The following ZNF568 variants were observed in gnomAD, a reference collection of about 807,000 sequenced individuals.
ZNF568 encodes zinc finger protein 568.
ZNF568 carries 11 observed loss-of-function variants against 18.1 expected under a neutral mutation model. That is an observed-to-expected ratio of 0.61 (90% CI 0.38 to 1.00). ZNF568 has a LOEUF of 1.00. Among genes scored for constraint, ZNF568 ranks in the 50% least tolerant of loss-of-function variants. The pLI, the probability that ZNF568 is intolerant of heterozygous loss-of-function variation, is 0.01. For synonymous variants in ZNF568, 213 were observed against 246.6 expected, an observed-to-expected ratio of 0.86 and a Z score of 1.28; for missense variants, 639 against 768.2, an observed-to-expected ratio of 0.83 and a Z score of 1.99.
At chr19:36,997,868 T>G (rs2074493607), downstream of ZNF568, 4 of 390,598 alleles carry the variant, frequency 1.0e-5, no homozygotes, top group East Asian at 1.9e-4. Flanking sequence ...TTACACATCA[T>G]GATACAACTG....
At chr19:36,927,880 A>AT (rs1555730338) in intron 4 of ZNF568, among the ~76,000 whole-genome samples, 33 of 54,830 alleles carry the variant, frequency 6.0e-4, no homozygotes, top group South Asian at 4.1e-3. Flanking sequence ...ATATATATAT[A>AT]TATATATTAT....
chr19:36,947,509 A>G (rs1038010066), intron 6 of ZNF568, among the ~76,000 whole-genome samples: 6 of 152,182 alleles, frequency 3.9e-5, no homozygotes, highest in Admixed American at 3.3e-4. Flanking sequence ...TGTCTAGGAA[A>G]TGTAGTTTTA....
chr19:36,949,655 A>G lies in ZNF568; in HGVS notation c.502A>G (p.Ile168Val), dbSNP rs372410978. The G allele has an allele frequency of 8.2e-5, 132 of 1,613,756 alleles. No individual in the cohort carries two copies. In the Admixed American group the frequency reaches 2.2e-3, roughly 26 times the overall value. Residue 168 changes from isoleucine to valine, a missense_variant, in exon 7 of 7, where the codon ATT (isoleucine) becomes GTT (valine). Ile to Val is a conservative substitution (Grantham distance 29). Transcript: ENST00000333987. ...VAKIFPLSSD[I>V]VTSRQSFYDC... ...GAAAATATTTCCTCTGAGTTCAGAC[A>G]TTGTTACTTCAAGACAAAGCTTCTA...
intron 2 of ZNF568, among the ~76,000 whole-genome samples, chr19:36,919,289 G>T (rs2073409615): frequency 1.3e-5 from 2 of 152,004 alleles, no homozygotes; most frequent in South Asian, 4.1e-4. Flanking sequence ...TGTTGAGGGG[G>T]GTGGGTGGAC....
At chr19:36,922,929 C>T in intron 3 of ZNF568, 83 bp downstream of exon 3, 3 of 1,206,182 alleles carry the variant, frequency 2.5e-6, no homozygotes, top group South Asian at 1.3e-5. Context: ...ATTACTCCTA[C>T]TGAGAAAGGT....
chr19:36,984,918 TTTTA>T (rs2074363323), intron 2 of ZNF568, among the ~76,000 whole-genome samples: 2 of 151,578 alleles, frequency 1.3e-5, no homozygotes, highest in African/African-American at 4.9e-5. Context: ...ATGGATTTAT[TTTTA>T]TTTATTCTGT....
intron 6 of ZNF568, among the ~76,000 whole-genome samples, chr19:36,963,245 AT>A (rs36114070): frequency 0.56 from 85,596 of 152,004 alleles, 24,970 homozygotes; most frequent in African/African-American, 0.69. Context: ...TAGGTAGTAT[AT>A]GGAGATACGA....
chr19:36,963,909 G>T (rs2074173580), intron 6 of ZNF568, among the ~76,000 whole-genome samples: 1 of 148,956 alleles, frequency 6.7e-6, no homozygotes, highest in Admixed American at 6.9e-5. Flanking sequence ...GGAGGTTGCA[G>T]TGAGCCGAGA....
At chr19:36,964,220 GTTACA>G (rs1174849188) in intron 6 of ZNF568, among the ~76,000 whole-genome samples, 1 of 151,840 alleles carries the variant, frequency 6.6e-6, no homozygotes, top group Non-Finnish European at 1.5e-5. Context: ...TTACTTTCTT[GTTACA>G]TAGTGGACAG....
intron 2 of ZNF568, among the ~76,000 whole-genome samples, chr19:36,922,256 C>G (rs2073469913): frequency 6.6e-6 from 1 of 152,116 alleles, no homozygotes; most frequent in Non-Finnish European, 1.5e-5. Flanking sequence ...AGCTGGCTTC[C>G]AAGTTAGTGT....
At chr19:36,939,554 T>G (rs1600799797) in intron 6 of ZNF568, among the ~76,000 whole-genome samples, 1 of 105,474 alleles carries the variant, frequency 9.5e-6, no homozygotes, top group African/African-American at 3.8e-5. Flanking sequence ...TTTTTTTTTT[T>G]TTTGAGACGG....
rs958141538 is a variant in ZNF568 at position 36,924,368 on chromosome 19, G to A, written c.77-832G>A. Among the ~76,000 whole-genome samples the A allele has an allele frequency of 5.3e-5, 8 of 151,702 alleles. No individual in the cohort carries two copies. In the South Asian group the frequency reaches 1.5e-3, roughly 28 times the overall value. On this transcript the variant is annotated intron_variant, in intron 3 of 6. Coordinates refer to ENST00000333987, the MANE Select transcript of ZNF568 (RefSeq NM_198539.4). ...CAAGTAGCTGGGACTACAGGCGCACGCCACTACGCCCAGCGAATTTTTGTA... is the reference window on the plus strand; with the variant it reads ...CAAGTAGCTGGGACTACAGGCGCACACCACTACGCCCAGCGAATTTTTGTA...
intron 6 of ZNF568, among the ~76,000 whole-genome samples, chr19:36,947,213 A>G (rs140124988): frequency 0.017 from 2,579 of 151,612 alleles, 33 homozygotes; most frequent in African/African-American, 0.036. Flanking sequence ...ACGGGGTTTC[A>G]TCATGTTGGT....
chr19:36,982,866 T>C (rs2074343143), downstream of ZNF568, among the ~76,000 whole-genome samples: 1 of 152,212 alleles, frequency 6.6e-6, no homozygotes. Context: ...ATTACTGGAT[T>C]CAGTTTGCTA....
In ZNF568 at chr19:36,949,654, C is replaced by G; in HGVS notation, c.501C>G (p.Asp167Glu). 2 of 1,613,832 alleles carry G rather than the reference C, an allele frequency of 1.2e-6. No homozygotes were observed. Among genetic ancestry groups the G allele is most frequent in the Non-Finnish European group, 1.7e-6 (2 of 1,179,862 alleles). Residue 167 changes from aspartate to glutamate, a missense_variant, in exon 7 of 7, where the codon GAC becomes GAG. Asp to Glu is a conservative substitution (Grantham distance 45). Coordinates refer to ENST00000333987, the MANE Select transcript of ZNF568 (RefSeq NM_198539.4). Reference protein sequence around the residue: ...KVAKIFPLSSDIVTSRQSFYD... With the variant: ...KVAKIFPLSSEIVTSRQSFYD... ...CGAAAATATTTCCTCTGAGTTCAGA[C>G]ATTGTTACTTCAAGACAAAGCTTCT...
downstream of ZNF568, among the ~76,000 whole-genome samples, chr19:36,980,515 T>A (rs1371018493): frequency 6.6e-6 from 1 of 152,190 alleles, no homozygotes; most frequent in African/African-American, 2.4e-5. Flanking sequence ...GAGGTTCCCA[T>A]GACCACTCTC....
chr19:36,974,590 T>A, intron 7 of ZNF568: 3 of 946,734 alleles, frequency 3.2e-6, no homozygotes, highest in Non-Finnish European at 4.8e-6. Context: ...GGGAGGAAAC[T>A]GCATTTATGT....
At chr19:36,934,603 G>A (rs1006758464) in intron 4 of ZNF568, among the ~76,000 whole-genome samples, 11 of 152,044 alleles carry the variant, frequency 7.2e-5, no homozygotes, top group Admixed American at 1.3e-4. Context: ...TTATGGGCAC[G>A]CCCAGCCCTC....
chr19:36,990,903 C>T (rs2074418027), intron 2 of ZNF568: 1 of 280,628 alleles, frequency 3.6e-6, no homozygotes, highest in Non-Finnish European at 6.7e-6. Context: ...TGGGAAACAC[C>T]ACTTACATGG....
Sources: gnomAD v4.1 joint callset for allele counts (sites outside exome capture counted in the v4.1 genomes callset) on GRCh38, gnomAD v4.1.1 for gene constraint, MANE v1.5 for transcripts, NCBI Gene and HGNC (gene_info 2026-07-23, HGNC 2026-07-21) for gene names.